The following SLC17A4 variants were observed in gnomAD, a reference collection of about 807,000 sequenced individuals.
The protein encoded by SLC17A4 is solute carrier family 17 member 4, also known as probable small intestine urate exporter.
In SLC17A4, 33 loss-of-function variants were observed where a neutral mutation model predicts 52.5. The ratio of observed to expected loss-of-function variants is 0.63; its 90% confidence interval spans 0.48 to 0.84. The LOEUF (loss-of-function observed/expected upper bound fraction) is 0.84. Among genes scored for constraint, SLC17A4 ranks in the 40% least tolerant of loss-of-function variants. The probability of loss-of-function intolerance (pLI) is 0.00; values close to 1 mark genes in which losing one functional copy is unlikely to be tolerated. For synonymous variants in SLC17A4, 225 were observed against 216.2 expected (o/e 1.04, Z -0.36); for missense variants, 585 against 597.1 (o/e 0.98, Z 0.21).
At position 25,770,955 on chromosome 6, in the gene SLC17A4, C is replaced by A. The variant is rs368450664; in HGVS notation, c.649C>A (p.Leu217Ile). ...AATGCTGGGGTCCTTCATTGTTCTA[C>A]TTGCTGGTGGTCTCCTCTGCCAGAC... ...GSMLGSFIVL[L>I]AGGLLCQTIG... Residue 217 changes from leucine (L) to isoleucine (I), a missense_variant, in exon 6 of 12, where the codon CTT becomes ATT. Physicochemically the swap from Leu to Ile is conservative, Grantham distance 5 (BLOSUM62 2). Coordinates refer to ENST00000377905, the MANE Select transcript of SLC17A4 (RefSeq NM_005495.3). The A allele has an allele frequency of 6.2e-7, 1 of 1,613,912 alleles. No individual in the cohort carries two copies. Among genetic ancestry groups the A allele is most frequent in the African/African-American group, 1.3e-5 (1 of 75,024 alleles).
chr6:25,767,047 T>C (rs1762082299), intron 2 of SLC17A4, among the ~76,000 whole-genome samples: 2 of 152,194 alleles, frequency 1.3e-5, no homozygotes, highest in Non-Finnish European at 2.9e-5. Context: ...GGAAATTTTG[T>C]GTGAGATATA....
chr6:25,768,219 A>T, intron 2 of SLC17A4: 2 of 217,242 alleles, frequency 9.2e-6, no homozygotes, highest in Non-Finnish European at 7.8e-6. Flanking sequence ...CAAGAGCATT[A>T]CTACACAAAA....
At chr6:25,757,759 C>T (rs1761149521) in intron 1 of SLC17A4, among the ~76,000 whole-genome samples, 1 of 152,106 alleles carries the variant, frequency 6.6e-6, no homozygotes, top group South Asian at 2.1e-4. Flanking sequence ...CATTGGTGGT[C>T]TCTGGGTTGG....
chr6:25,757,436 T>C (rs1052558471), intron 1 of SLC17A4, among the ~76,000 whole-genome samples: 1 of 152,130 alleles, frequency 6.6e-6, no homozygotes, highest in Admixed American at 6.6e-5. Flanking sequence ...TCAGTAGTAA[T>C]AGATTTATTG....
At chr6:25,766,659 C>T (rs1762046479) in intron 2 of SLC17A4, among the ~76,000 whole-genome samples, 1 of 152,160 alleles carries the variant, frequency 6.6e-6, no homozygotes, top group South Asian at 2.1e-4. Flanking sequence ...AGTTTACCTC[C>T]ATGGCCTTCC....
intron 1 of SLC17A4, among the ~76,000 whole-genome samples, chr6:25,755,136 G>A (rs1003049335): frequency 2.0e-5 from 3 of 151,786 alleles, no homozygotes; most frequent in African/African-American, 7.3e-5. Flanking sequence ...TATTTGGATT[G>A]TTTTTGTGAA....
At chr6:25,761,462 C>T (rs536166439) in intron 1 of SLC17A4, among the ~76,000 whole-genome samples, 34 of 152,152 alleles carry the variant, frequency 2.2e-4, no homozygotes, top group Non-Finnish European at 4.6e-4. Context: ...ACATCTAACT[C>T]GGTGGAGATA....
chr6:25,761,230 G>A (rs1230396744), intron 1 of SLC17A4, among the ~76,000 whole-genome samples: 1 of 152,234 alleles, frequency 6.6e-6, no homozygotes, highest in Non-Finnish European at 1.5e-5. Flanking sequence ...AGGACAAAGA[G>A]GGTTGTCACT....
At chr6:25,771,951 A>G (rs1762517171) in intron 6 of SLC17A4, among the ~76,000 whole-genome samples, 1 of 152,116 alleles carries the variant, frequency 6.6e-6, no homozygotes, top group Non-Finnish European at 1.5e-5. Flanking sequence ...AGCTGCTGTT[A>G]CCTTTAGTTT....
In SLC17A4 at chr6:25,779,162, A is replaced by G; in HGVS notation, c.1468A>G (p.Lys490Glu). The G allele has an allele frequency of 1.2e-6, 2 of 1,613,826 alleles. No individual in the cohort carries two copies. The highest frequency in any genetic ancestry group is 1.7e-6 in the Non-Finnish European group (2 of 1,179,780). The change falls in exon 12 of 12, where the codon AAA becomes GAA. Residue 490 changes from lysine (K) to glutamate (E), a missense_variant. Physicochemically the swap from Lys to Glu is moderately conservative, Grantham distance 56. Coordinates refer to ENST00000377905, the MANE Select transcript of SLC17A4 (RefSeq NM_005495.3). ...FGRADVQDWA[K>E]EQTFTHL ...CCGAGCAGATGTGCAGGACTGGGCT[A>G]AAGAGCAGACATTCACCCACCTCTG...
At position 25,761,952 on chromosome 6, in the gene SLC17A4, A is replaced by T; in HGVS notation, c.-11A>T. On this transcript the variant is annotated 5_prime_UTR_variant, in exon 2 of 12. It introduces an in-frame stop codon into an upstream open reading frame of the 5' UTR. Coordinates refer to ENST00000377905, the MANE Select transcript of SLC17A4 (RefSeq NM_005495.3). ...TAAGTAAATGCCAGTCCCTAGGAAGAGAGAACCAAAATGTCTACCGGACCA... is the reference window on the plus strand; with the variant it reads ...TAAGTAAATGCCAGTCCCTAGGAAGTGAGAACCAAAATGTCTACCGGACCA... 1 of 1,611,566 alleles carries T rather than the reference A, an allele frequency of 6.2e-7. No homozygotes were observed. Among genetic ancestry groups the T allele is most frequent in the Non-Finnish European group, 8.5e-7 (1 of 1,178,366 alleles).
At position 25,761,942 on chromosome 6, in the gene SLC17A4, C is replaced by T. The variant is rs1183714611; in HGVS notation, c.-21C>T. On this transcript the variant is annotated 5_prime_UTR_variant, in exon 2 of 12. Transcript: ENST00000377905. The stretch of plus-strand genomic sequence containing the variant: ...TTTATTTCAGTAAGTAAATGCCAGT[C>T]CCTAGGAAGAGAGAACCAAAATGTC... The T allele has an allele frequency of 1.3e-6, 2 of 1,597,230 alleles. No homozygotes were observed. The highest frequency in any genetic ancestry group is 1.1e-5 in the South Asian group (1 of 90,214).
At position 25,768,764 on chromosome 6, in the gene SLC17A4, A is replaced by G. The variant is rs1892249; in HGVS notation, c.92-221A>G. 0.32 allele frequency among the ~76,000 whole-genome samples: 48,559 copies of G among 151,980 alleles called. 9,534 individuals carry two copies. Among genetic ancestry groups the G allele is most frequent in the South Asian group, 0.45 (2,168 of 4,812 alleles). Reference sequence around the variant, plus strand: ...TCTCCCCTAATGCTTGTTCTGACCAACTCCACACATTCTTCAAGTCTCTGA... The same window carrying G: ...TCTCCCCTAATGCTTGTTCTGACCAGCTCCACACATTCTTCAAGTCTCTGA... On this transcript the variant is annotated intron_variant, in intron 2 of 11. Coordinates refer to ENST00000377905, the MANE Select transcript of SLC17A4 (RefSeq NM_005495.3).
At chr6:25,755,603 G>T (rs1013099956) in intron 1 of SLC17A4, among the ~76,000 whole-genome samples, 4 of 152,116 alleles carry the variant, frequency 2.6e-5, no homozygotes, top group African/African-American at 9.7e-5. Flanking sequence ...TATAAGAATG[G>T]CTGGCTCCAT....
Position 25,769,130 on chromosome 6 carries a change from A to G in SLC17A4, c.237A>G (p.Glu79=). 1 of 1,614,034 alleles carries G rather than the reference A, an allele frequency of 6.2e-7. No individual in the cohort carries two copies. Among genetic ancestry groups the G allele is most frequent in the Non-Finnish European group, 8.5e-7 (1 of 1,179,972 alleles). Residue 79 remains glutamate, a synonymous_variant, in exon 3 of 12, where the codon GAA becomes GAG. Transcript: ENST00000377905. ...APPSQPNAST[E]RPSTDSQGYW... is the part of the protein sequence containing the mutation. ...CTAGCCAGCCCAATGCTTCCACAGA[A>G]CGGCCCTCCACTGACTCCCAGGGCT...
At chr6:25,778,146 A>G in intron 11 of SLC17A4, 130 bp downstream of exon 11, 2 of 617,874 alleles carry the variant, frequency 3.2e-6, no homozygotes, top group East Asian at 5.5e-5. Context: ...TTACATGATG[A>G]CTTAAGAATT....
chr6:25,770,492 C>G, intron 5 of SLC17A4, 21 bp downstream of exon 5: 1 of 1,607,242 alleles, frequency 6.2e-7, no homozygotes, highest in East Asian at 2.2e-5. Flanking sequence ...CCCTAAACCT[C>G]ACTTTACATG....
At chr6:25,770,541 A>G in intron 5 of SLC17A4, 70 bp downstream of exon 5, 1 of 1,375,762 alleles carries the variant, frequency 7.3e-7, no homozygotes, top group South Asian at 1.2e-5. Flanking sequence ...TGCCAACAGA[A>G]CCAAGATCTT....
intron 1 of SLC17A4, among the ~76,000 whole-genome samples, chr6:25,755,229 C>A (rs1429951494): frequency 1.3e-5 from 2 of 152,128 alleles, no homozygotes; most frequent in Admixed American, 1.3e-4. Flanking sequence ...GGAAGATTTT[C>A]ATCATGCCTA....
Sources: gnomAD v4.1 joint callset for allele counts (sites outside exome capture counted in the v4.1 genomes callset) on GRCh38, gnomAD v4.1.1 for gene constraint, MANE v1.5 for transcripts, NCBI Gene and HGNC (gene_info 2026-07-23, HGNC 2026-07-21) for gene names.